CNTNAP2: variants seen among roughly 807,000 people sequenced by gnomAD.
The protein encoded by CNTNAP2 is contactin-associated protein-like 2.
Under a neutral mutation model 155.2 loss-of-function variants are expected in CNTNAP2, and 98 were observed. That is an observed-to-expected ratio of 0.63 (90% confidence interval 0.54 to 0.75). The LOEUF (loss-of-function observed/expected upper bound fraction) is 0.75. CNTNAP2 is among the 30% of genes least tolerant of loss of function. CNTNAP2 has a pLI of 0.00. For synonymous variants in CNTNAP2, 651 were observed against 631.2 expected, an observed-to-expected ratio of 1.03 and a Z score of -0.47; for missense variants, 1,727 against 1,688.1, an observed-to-expected ratio of 1.02 and a Z score of -0.40.
intron 5 of CNTNAP2, among the ~76,000 whole-genome samples, chr7:147,115,204 A>T (rs567637530): frequency 1.3e-5 from 2 of 152,128 alleles, no homozygotes; most frequent in African/African-American, 2.4e-5. Flanking sequence ...GGCTTCCCTT[A>T]GTGGGTGACC....
At chr7:146,223,405 G>A (rs1799240305) in intron 1 of CNTNAP2, among the ~76,000 whole-genome samples, 2 of 152,198 alleles carry the variant, frequency 1.3e-5, no homozygotes, top group South Asian at 2.1e-4. Context: ...GCTCAAGATA[G>A]CAGAAAGAGG....
chr7:146,320,781 T>C (rs906709160), intron 1 of CNTNAP2, among the ~76,000 whole-genome samples: 2 of 152,108 alleles, frequency 1.3e-5, no homozygotes, highest in Non-Finnish European at 2.9e-5. Flanking sequence ...AGTTCAAACA[T>C]TAAAGTTAAA....
intron 1 of CNTNAP2, among the ~76,000 whole-genome samples, chr7:146,256,681 T>A (rs769024820): frequency 6.6e-6 from 1 of 151,946 alleles, no homozygotes; most frequent in African/African-American, 2.4e-5. Flanking sequence ...AAGAAAATAA[T>A]TTAAGAAAAC....
At chr7:147,350,241 G>A (rs368026824) in intron 9 of CNTNAP2, among the ~76,000 whole-genome samples, 9 of 151,962 alleles carry the variant, frequency 5.9e-5, no homozygotes, top group African/African-American at 2.2e-4. Flanking sequence ...GAATTCTTCA[G>A]TGCATTTTCT....
At chr7:146,166,413 C>A (rs186470467) in intron 1 of CNTNAP2, among the ~76,000 whole-genome samples, 1 of 152,216 alleles carries the variant, frequency 6.6e-6, no homozygotes, top group African/African-American at 2.4e-5. Flanking sequence ...CATTTTTAAT[C>A]AATCCATTGC....
rs142651719 is a variant in CNTNAP2, at chr7:148,283,304, A to AAAGG, written c.3475+16193_3475+16196dup. On this transcript the variant is annotated intron_variant, in intron 21 of 23. Transcript: ENST00000361727. ...GAAAGAAAGAAAGAAAGAAAGAAAGAAAGGAAGGAAGGAAGGAAAGAAAGA... is the reference window on the plus strand; with the variant it reads ...GAAAGAAAGAAAGAAAGAAAGAAAGAAAGGAAGGAAGGAAGGAAGGAAAGAAAGA... Among the ~76,000 whole-genome samples the AAAGG allele has an allele frequency of 2.7e-4, 24 of 89,426 alleles. 1 individual carries two copies. Among genetic ancestry groups the AAAGG allele is most frequent in the African/African-American group, 1.3e-3 (22 of 17,182 alleles). The allele number at this position is 89,426 out of a possible 152,430, so 58.7% of individuals were successfully genotyped here. A position where few individuals can be genotyped will look rare whatever the true frequency, so the allele number is the denominator to read the frequency against.
chr7:146,701,666 C>T (rs184953239), intron 1 of CNTNAP2, among the ~76,000 whole-genome samples: 1,615 of 150,846 alleles, frequency 0.011, 22 homozygotes, highest in African/African-American at 0.026. Flanking sequence ...TTTGTATATA[C>T]ACACACACAC....
chr7:146,177,049 A>G (rs1798480469), intron 1 of CNTNAP2, among the ~76,000 whole-genome samples: 1 of 152,120 alleles, frequency 6.6e-6, no homozygotes, highest in Non-Finnish European at 1.5e-5. Flanking sequence ...TGTCCTTGCC[A>G]TGGATTCTGT....
intron 4 of CNTNAP2, among the ~76,000 whole-genome samples, chr7:147,104,738 A>G (rs572157066): frequency 6.6e-6 from 1 of 150,482 alleles, no homozygotes; most frequent in East Asian, 1.9e-4. Flanking sequence ...TAATTAAACC[A>G]TGCAATTTCC....
At chr7:146,754,236 T>TA (rs1801953757) in intron 1 of CNTNAP2, among the ~76,000 whole-genome samples, 1 of 151,986 alleles carries the variant, frequency 6.6e-6, no homozygotes, top group Admixed American at 6.6e-5. Flanking sequence ...ATTTTAATTC[T>TA]AGTAGGAGTC....
Position 147,102,282 on chromosome 7 carries a change from G to GAAAAAAA in CNTNAP2, c.551-5856_551-5850dup, listed in dbSNP as rs555981471. On this transcript the variant is annotated intron_variant, in intron 4 of 23. Coordinates refer to ENST00000361727, the MANE Select transcript of CNTNAP2 (RefSeq NM_014141.6). Reference sequence around the variant, plus strand: ...GTCGCTAAATGTAGGTAGGCAAAAAGAAAAAAAAAAAAAAAGAAGCTCAAG... The same window carrying GAAAAAAA: ...GTCGCTAAATGTAGGTAGGCAAAAAGAAAAAAAAAAAAAAAAAAAAAAGAAGCTCAAG... 2.1e-3 allele frequency among the ~76,000 whole-genome samples: 234 copies of GAAAAAAA among 110,602 alleles called. 8 individuals are homozygous for GAAAAAAA. The highest frequency in any genetic ancestry group is 0.01 in the East Asian group (39 of 3,868). 72.6% of individuals were successfully genotyped at this position (110,602 alleles called of 152,430 possible).
rs182773459 is a variant in CNTNAP2 at position 146,171,636 on chromosome 7, C to T, written c.97+54663C>T. Among the ~76,000 whole-genome samples the T allele has an allele frequency of 2.2e-3, 332 of 152,010 alleles. 1 individual carries two copies. The highest frequency in any genetic ancestry group is 3.7e-3 in the Non-Finnish European group (250 of 67,986). On this transcript the variant is annotated intron_variant, in intron 1 of 23. Coordinates refer to ENST00000361727, the MANE Select transcript of CNTNAP2 (RefSeq NM_014141.6). ...CAAATTGGCCTGTTTCGTTTTTCAT[C>T]ATGCATCAACACCAGTTTGGGAATT...
chr7:148,388,828 C>A (rs532680309), intron 22 of CNTNAP2, among the ~76,000 whole-genome samples: 1 of 152,276 alleles, frequency 6.6e-6, no homozygotes, highest in Admixed American at 6.5e-5. Flanking sequence ...GTATCTGCAG[C>A]GGTGTTTGCA....
chr7:147,366,920 G>T (rs1243477398), intron 9 of CNTNAP2, among the ~76,000 whole-genome samples: 2 of 152,014 alleles, frequency 1.3e-5, no homozygotes, highest in South Asian at 2.1e-4. Context: ...TTTCGTAAAA[G>T]TTCCATATTT....
At chr7:146,451,136 C>T (rs1056474436) in intron 1 of CNTNAP2, among the ~76,000 whole-genome samples, 1 of 151,986 alleles carries the variant, frequency 6.6e-6, no homozygotes, top group Admixed American at 6.6e-5. Context: ...TTAGTACAGA[C>T]GGGGTTTCAC....
chr7:146,153,665 A>G (rs1347022270), intron 1 of CNTNAP2, among the ~76,000 whole-genome samples: 1 of 152,198 alleles, frequency 6.6e-6, no homozygotes, highest in East Asian at 1.9e-4. Flanking sequence ...TAAATGATGC[A>G]GAGCAAATAC....
intron 10 of CNTNAP2, among the ~76,000 whole-genome samples, chr7:147,422,947 GA>G (rs567877236): frequency 6.6e-6 from 1 of 151,950 alleles, no homozygotes; most frequent in South Asian, 2.1e-4. Context: ...GTTGGCAAAA[GA>G]AAAAAACAAC....
intron 5 of CNTNAP2, among the ~76,000 whole-genome samples, chr7:147,109,895 G>C (rs539708893): frequency 6.7e-6 from 1 of 148,778 alleles, no homozygotes; most frequent in East Asian, 2.0e-4. Flanking sequence ...GTTGTTATTT[G>C]TATTTATTTA....
chr7:148,384,543 C>T (rs1191018588), intron 22 of CNTNAP2, among the ~76,000 whole-genome samples: 3 of 152,132 alleles, frequency 2.0e-5, no homozygotes, highest in Admixed American at 2.0e-4. Flanking sequence ...AGGTCGTACT[C>T]CTAGCTCCAC....
Sources: gnomAD v4.1 joint callset for allele counts (sites outside exome capture counted in the v4.1 genomes callset) on GRCh38, gnomAD v4.1.1 for gene constraint, MANE v1.5 for transcripts, NCBI Gene and HGNC (gene_info 2026-07-23, HGNC 2026-07-21) for gene names.